ZFP64: variants seen among roughly 807,000 people sequenced by gnomAD.
The protein encoded by ZFP64 is zinc finger protein 64.
In ZFP64, 14 loss-of-function variants were observed where a neutral mutation model predicts 51.6. The observed-to-expected ratio is 0.27, with a 90% CI of 0.18 to 0.42. The LOEUF (loss-of-function observed/expected upper bound fraction) is 0.42, where lower values mean the gene tolerates loss of function less well. Ranked by LOEUF, ZFP64 falls within the 10% of genes least tolerant of loss-of-function variation. The probability of loss-of-function intolerance (pLI) is 1.00; values close to 1 mark genes in which losing one functional copy is unlikely to be tolerated. For synonymous variants in ZFP64, 375 were observed against 361.4 expected, an observed-to-expected ratio of 1.04 and a Z score of -0.43; for missense variants, 754 against 906.8, an observed-to-expected ratio of 0.83 and a Z score of 2.16.
intron 6 of ZFP64, among the ~76,000 whole-genome samples, chr20:52,097,811 T>C (rs891790841): frequency 6.6e-6 from 1 of 152,028 alleles, no homozygotes; most frequent in Non-Finnish European, 1.5e-5. Flanking sequence ...GGCCCACACC[T>C]GCCATCCCCG....
intron 4 of ZFP64, 23 bp downstream of exon 4, chr20:52,164,672 T>C: frequency 6.2e-7 from 1 of 1,609,266 alleles, no homozygotes; most frequent in South Asian, 1.1e-5. Flanking sequence ...TGAGGGCATA[T>C]GCGCTAAAGA....
At chr20:52,165,266 G>A (rs759483654) in intron 3 of ZFP64, 1 of 456,246 alleles carries the variant, frequency 2.2e-6, no homozygotes, top group Non-Finnish European at 4.4e-6. Flanking sequence ...TTCTGATCTT[G>A]ATGATTGTCC....
intron 5 of ZFP64, among the ~76,000 whole-genome samples, chr20:52,101,717 T>A (rs1000062976): frequency 6.6e-6 from 1 of 152,126 alleles, no homozygotes; most frequent in Admixed American, 6.6e-5. Flanking sequence ...CCTCAGGGCC[T>A]TGCATTTTTG....
rs1568937844 is a variant in ZFP64, at chr20:52,085,064, C to G, written c.1431G>C (p.Arg477=). ...TGTGCTCCAGGAGGTCAGCCCGGTC[C>G]CGGCCCTGGAAGGCACAGTGCAGAC... Residue 477 remains arginine (R), a synonymous_variant, in exon 9 of 9, where the codon CGG becomes CGC. Transcript: ENST00000361387. This position sits in a 1 kb window ranked among gnomAD's most constrained non-coding sequence, Gnocchi z 4.3. The G allele has an allele frequency of 1.2e-6, 2 of 1,614,222 alleles. No homozygotes were observed. The highest frequency in any genetic ancestry group is 1.7e-6 in the Non-Finnish European group (2 of 1,180,028).
At chr20:52,140,932 T>C (rs1980223981) in intron 5 of ZFP64, among the ~76,000 whole-genome samples, 1 of 152,170 alleles carries the variant, frequency 6.6e-6, no homozygotes, top group Admixed American at 6.5e-5. Context: ...TTGAAGCCAG[T>C]GCTCATTTAC....
intron 2 of ZFP64, among the ~76,000 whole-genome samples, chr20:52,186,013 A>G (rs1019771611): frequency 3.3e-5 from 5 of 152,218 alleles, no homozygotes; most frequent in African/African-American, 4.8e-5. Flanking sequence ...TTTACTTCGG[A>G]AAAAGTAAAA....
intron 5 of ZFP64, among the ~76,000 whole-genome samples, chr20:52,138,905 A>T (rs940719822): frequency 2.0e-5 from 3 of 152,248 alleles, no homozygotes; most frequent in Non-Finnish European, 4.4e-5. Context: ...ATAAGAAGAC[A>T]TACAAGCAGC....
chr20:52,084,789 T>C, exon 9 of ZFP64: 1 of 1,614,230 alleles, frequency 6.2e-7, no homozygotes, highest in Middle Eastern at 1.6e-4. Context: ...GGCCACGTGC[T>C]GGGAGCTGCC....
chr20:52,105,184 C>A, intron 5 of ZFP64: 1 of 1,437,514 alleles, frequency 7.0e-7, no homozygotes, highest in Admixed American at 2.8e-5. Flanking sequence ...GGCGCGCAGG[C>A]CGCGGCTCCT....
In ZFP64 at chr20:52,187,862, C is replaced by T. The variant is rs570212728; in HGVS notation, c.47-791G>A. Reference sequence around the variant, plus strand: ...CTGCACTTTGCAGAACCAGCAGCCACCTCCTATCCCAACTAAAAGGTAATT... The same window carrying T: ...CTGCACTTTGCAGAACCAGCAGCCATCTCCTATCCCAACTAAAAGGTAATT... On this transcript the variant is annotated intron_variant, in intron 1 of 5. Transcript: ENST00000216923. Among the ~76,000 whole-genome samples the T allele has an allele frequency of 3.9e-5, 6 of 152,252 alleles. No homozygotes were observed. The East Asian group carries it at 1.2e-3, about 29-fold the overall frequency.
At chr20:52,104,003 C>T (rs1422481600) in intron 5 of ZFP64, among the ~76,000 whole-genome samples, 1 of 152,222 alleles carries the variant, frequency 6.6e-6, no homozygotes, top group Admixed American at 6.5e-5. Flanking sequence ...GGGTGAGCCG[C>T]CCCGGAGAGG....
intron 8 of ZFP64, chr20:52,088,314 G>A (rs2078885450): frequency 6.4e-7 from 1 of 1,562,710 alleles, no homozygotes; most frequent in African/African-American, 1.4e-5. Context: ...CATTTAAGTT[G>A]CTTGTGTTGT....
chr20:52,108,507 C>CTT (rs879700921), intron 5 of ZFP64, among the ~76,000 whole-genome samples: 2 of 144,344 alleles, frequency 1.4e-5, no homozygotes, highest in African/African-American at 5.1e-5. Flanking sequence ...AGTTTATTAC[C>CTT]TTTTTTTTTT....
At chr20:52,167,734 G>A (rs940873245) in intron 2 of ZFP64, among the ~76,000 whole-genome samples, 3 of 152,102 alleles carry the variant, frequency 2.0e-5, no homozygotes, top group African/African-American at 7.2e-5. Context: ...TTTGAGAGCC[G>A]CTGTAATATT....
At chr20:52,172,494 T>G (rs778250857) in intron 2 of ZFP64, among the ~76,000 whole-genome samples, 12 of 152,288 alleles carry the variant, frequency 7.9e-5, no homozygotes, top group Middle Eastern at 6.8e-3. Flanking sequence ...TATTTATCTG[T>G]ATTCAGGTTT....
intron 1 of ZFP64, among the ~76,000 whole-genome samples, chr20:52,190,353 C>T (rs1047731004): frequency 1.3e-5 from 2 of 152,144 alleles, no homozygotes; most frequent in African/African-American, 4.8e-5. Context: ...GCAAAAGTAA[C>T]GACATAGACC....
rs2123153321 is a variant in ZFP64 at position 52,191,674 on chromosome 20, CA to C, written c.-39del. 6.4e-7 allele frequency: 1 copy of C among 1,566,724 alleles called. No homozygotes were observed. The highest frequency in any genetic ancestry group is 2.4e-5 in the East Asian group (1 of 41,486). The stretch of plus-strand genomic sequence containing the variant: ...GGAGGTCCCCGGCCGGCCGGGATGC[CA>C]AAGTGGGGGACGCTGATCTACATGG... On this transcript the variant is annotated 5_prime_UTR_variant, in exon 1 of 6. Transcript: ENST00000216923. This position sits in a 1 kb window ranked among gnomAD's most constrained non-coding sequence, Gnocchi z 4.3.
intron 5 of ZFP64, among the ~76,000 whole-genome samples, chr20:52,111,812 T>A (rs2122816893): frequency 6.6e-6 from 1 of 152,046 alleles, no homozygotes; most frequent in South Asian, 2.1e-4. Context: ...CTGGGCACAG[T>A]GGCTTACACC....
At chr20:52,146,546 A>G (rs1010822239), downstream of ZFP64, among the ~76,000 whole-genome samples, 2 of 130,908 alleles carry the variant, frequency 1.5e-5, no homozygotes, top group African/African-American at 5.8e-5. Flanking sequence ...ACATGGACAC[A>G]GGAAGGGGAA....
Sources: gnomAD v4.1 joint callset for allele counts (sites outside exome capture counted in the v4.1 genomes callset) on GRCh38, gnomAD v4.1.1 for gene constraint, Gnocchi (gnomAD v3.1) non-coding constraint, MANE v1.5 for transcripts, NCBI Gene and HGNC (gene_info 2026-07-23, HGNC 2026-07-21) for gene names.